The following MED1 variants were observed in gnomAD, a reference collection of about 807,000 sequenced individuals.
MED1 encodes mediator of RNA polymerase II transcription subunit 1.
MED1 carries 17 observed loss-of-function variants against 121.3 expected under a neutral mutation model. The observed-to-expected ratio is 0.14, with a 90% CI of 0.10 to 0.21. MED1 has a LOEUF of 0.21. MED1 is among the 10% of genes least tolerant of loss of function. The pLI is 1.00. For missense variants in MED1, 1,558 were observed against 1,919.4 expected, an observed-to-expected ratio of 0.81 and a Z score of 3.52; for synonymous variants, 661 against 694.4, an observed-to-expected ratio of 0.95 and a Z score of 0.76.
Position 39,451,262 on chromosome 17 carries a change from T to C in MED1, c.-200A>G, listed in dbSNP as rs1260892314. On this transcript the variant is annotated 5_prime_UTR_variant, in exon 1 of 17. Coordinates refer to ENST00000300651, the MANE Select transcript of MED1 (RefSeq NM_004774.4). ...CGCCGCCATCTTCCCCAACGGAACT[T>C]CCCAAAATTCGCGAGATAAACCGTG... is the stretch of plus-strand genomic sequence containing the variant. The C allele has an allele frequency of 1.7e-6, 1 of 588,280 alleles. No individual in the cohort carries two copies. Among genetic ancestry groups the C allele is most frequent in the Non-Finnish European group, 3.0e-6 (1 of 333,334 alleles). 36.4% of individuals were successfully genotyped at this position (588,280 alleles called of 1,614,324 possible).
In MED1 at chr17:39,405,435, G is replaced by A; in HGVS notation, c.*2040C>T. ...TTCCCCCTAAGATTCTCCCCACTCAGAACAAATTTTAAAAACCACATAAAT... is the reference window on the plus strand; with the variant it reads ...TTCCCCCTAAGATTCTCCCCACTCAAAACAAATTTTAAAAACCACATAAAT... On this transcript the variant is annotated 3_prime_UTR_variant, in exon 17 of 17. Transcript: ENST00000300651. 6 of 1,377,514 alleles carry A rather than the reference G, an allele frequency of 4.4e-6. No homozygotes were observed. The highest frequency in any genetic ancestry group is 5.5e-5 in the East Asian group (2 of 36,610). 85.3% of individuals were successfully genotyped at this position (1,377,514 alleles called of 1,614,324 possible).
Position 39,423,348 on chromosome 17 carries a change from A to C in MED1, c.1074T>G (p.Asn358Lys). 1.2e-6 allele frequency: 2 copies of C among 1,609,540 alleles called. No individual in the cohort carries two copies. Among genetic ancestry groups the C allele is most frequent in the South Asian group, 1.1e-5 (1 of 90,950 alleles). The change falls in exon 13 of 17, where the codon AAT (asparagine) becomes AAG (lysine). Residue 358 changes from asparagine (N) to lysine (K), a missense_variant. Around this residue, in one of 5 missense-constraint regions of MED1, gnomAD observed 443 missense variants for 532.4 expected, o/e 0.83. Transcript: ENST00000300651. Reference protein sequence around the residue: ...LSKDPDPIPLNHNMRFYAALP... With the variant: ...LSKDPDPIPLKHNMRFYAALP... ...TTACAGCATAAAATCTCATGTTGTG[A>C]TTCAAAGGTATGGGGTCAGGGTCCT...
At position 39,434,277 on chromosome 17, in the gene MED1, C is replaced by T. The variant is rs2048597663; in HGVS notation, c.472G>A (p.Val158Ile). The change falls in exon 7 of 17, where the codon GTT becomes ATT. Residue 158 changes from valine to isoleucine, a missense_variant. Coordinates refer to ENST00000300651, the MANE Select transcript of MED1 (RefSeq NM_004774.4). ...DEFSKHLKGLVNLYNLPGDNK... is the reference protein window; with the variant it reads ...DEFSKHLKGLINLYNLPGDNK... ...TCCCCTGGAAGGTTATACAGATTAA[C>T]AAGGCCCTTAAGGTGCTTAGAAAAT... The T allele has an allele frequency of 6.4e-7, 1 of 1,571,714 alleles. No homozygotes were observed. The highest frequency in any genetic ancestry group is 8.6e-7 in the Non-Finnish European group (1 of 1,162,378).
chr17:39,429,461 C>G (rs908166080), intron 9 of MED1, among the ~76,000 whole-genome samples: 1 of 150,502 alleles, frequency 6.6e-6, no homozygotes, highest in East Asian at 2.0e-4. Context: ...TTTGGGAGGC[C>G]GAGACAGGCA....
intron 16 of MED1, among the ~76,000 whole-genome samples, chr17:39,411,790 G>T (rs2048357897): frequency 6.6e-6 from 1 of 152,012 alleles, no homozygotes; most frequent in Non-Finnish European, 1.5e-5. Context: ...ACAGGGTCAG[G>T]AGTTTTGAGA....
intron 7 of MED1, among the ~76,000 whole-genome samples, chr17:39,433,454 T>C (rs1482681357): frequency 6.6e-6 from 1 of 151,444 alleles, no homozygotes; most frequent in Non-Finnish European, 1.5e-5. Context: ...CCTCCCAAAG[T>C]GGCCAGGATT....
chr17:39,411,164 C>T (rs1804716812), intron 16 of MED1, among the ~76,000 whole-genome samples: 2 of 151,918 alleles, frequency 1.3e-5, no homozygotes, highest in Non-Finnish European at 2.9e-5. Context: ...ACTAAAAATA[C>T]AAAAATTAGC....
At position 39,440,784 on chromosome 17, in the gene MED1, T is replaced by C; in HGVS notation, c.212-107A>G. 9.4e-7 allele frequency: 1 copy of C among 1,063,030 alleles called. No individual in the cohort carries two copies. Among genetic ancestry groups the C allele is most frequent in the South Asian group, 1.4e-5 (1 of 71,920 alleles). The allele number at this position is 1,063,030 out of a possible 1,614,324, so 65.8% of individuals were successfully genotyped here. ...CTTCCAAAACCGTAAACATATTCAG[T>C]AGTTCAAATGCTTGTAATTTACATA... On this transcript the variant is annotated intron_variant, in intron 3 of 16. Transcript: ENST00000300651. This position sits in a 1 kb window ranked among gnomAD's most constrained non-coding sequence, Gnocchi z 4.1.
At chr17:39,445,897 C>T (rs1020257726) in intron 2 of MED1, among the ~76,000 whole-genome samples, 4 of 151,508 alleles carry the variant, frequency 2.6e-5, no homozygotes, top group African/African-American at 9.7e-5. Flanking sequence ...GGCATGGTGG[C>T]GGATGCCTGT....
intron 10 of MED1, among the ~76,000 whole-genome samples, chr17:39,425,619 C>T (rs561734310): frequency 9.7e-4 from 148 of 151,954 alleles, no homozygotes; most frequent in African/African-American, 3.2e-3. Context: ...CTGCAGAAGA[C>T]GGTGAAACCG....
Position 39,427,752 on chromosome 17 carries a change from CAGA to C in MED1, c.685_687del (p.Ser229del). The C allele has an allele frequency of 1.2e-6, 2 of 1,605,070 alleles. No individual in the cohort carries two copies. Among genetic ancestry groups the C allele is most frequent in the Non-Finnish European group, 8.5e-7 (1 of 1,172,340 alleles). Reference sequence around the variant, plus strand: ...GATGCAGTCTTGTCATCCAGTAGGTCAGAAGGAGAGACATAGTACTTCAGGTTC... The same window carrying C: ...GATGCAGTCTTGTCATCCAGTAGGTCAGGAGAGACATAGTACTTCAGGTTC... On this transcript the variant is annotated inframe_deletion, in exon 10 of 17. Transcript: ENST00000300651.
intron 7 of MED1, among the ~76,000 whole-genome samples, chr17:39,433,527 C>CTATA (rs149231162): frequency 0.023 from 3,256 of 144,316 alleles, 100 homozygotes; most frequent in African/African-American, 0.073. Flanking sequence ...TTTTTTGTTA[C>CTATA]TATATATATA....
rs971976396 is a variant in MED1, at chr17:39,408,699, A to C, written c.3522T>G (p.Pro1174=). 6.2e-7 allele frequency: 1 copy of C among 1,614,022 alleles called. No homozygotes were observed. Among genetic ancestry groups the C allele is most frequent in the African/African-American group, 1.3e-5 (1 of 74,906 alleles). The change falls in exon 17 of 17, where the codon CCT becomes CCG. Residue 1174 remains proline, a synonymous_variant. Coordinates refer to ENST00000300651, the MANE Select transcript of MED1 (RefSeq NM_004774.4). The surrounding 1 kb of genome is among the most constrained non-coding windows in gnomAD (Gnocchi z 4.7). ...TCATAAGTGATGATGGCTTTCCTTG[A>C]GGTTTCATCTTGGTGCTGCTAGAGC... ...SSGSSSTKMK[P]QGKPSSLMNP...
chr17:39,440,021 A>AAGGAAGGAGG lies in MED1; in HGVS notation c.399+364_399+365insCCTCCTTCCT, dbSNP rs1567652006. On this transcript the variant is annotated intron_variant, in intron 5 of 16. Transcript: ENST00000300651. The surrounding 1 kb of genome is among the most constrained non-coding windows in gnomAD (Gnocchi z 4.1). ...AGGAAGGAAGGAAGGAAGGAAGGAA[A>AAGGAAGGAGG]GAAAGAAAGAAAGAGAGAAAGAGAA... 1.3e-5 allele frequency among the ~76,000 whole-genome samples: 1 copy of AAGGAAGGAGG among 74,604 alleles called. No individual in the cohort carries two copies. Among genetic ancestry groups the AAGGAAGGAGG allele is most frequent in the Non-Finnish European group, 3.3e-5 (1 of 29,914 alleles). The allele number at this position is 74,604 out of a possible 152,430, so 48.9% of individuals were successfully genotyped here. A position where few individuals can be genotyped will look rare whatever the true frequency, so the allele number is the denominator to read the frequency against.
At chr17:39,434,218 A>C (rs1419001504) in intron 7 of MED1, 31 bp downstream of exon 7, 2 of 1,461,332 alleles carry the variant, frequency 1.4e-6, no homozygotes, top group Non-Finnish European at 1.9e-6. Context: ...TGATTTTTAC[A>C]AACAAAAGCA....
chr17:39,409,788 T>G lies in MED1; in HGVS notation c.2433A>C (p.Ser811=). ...PAIGTPLRDS[S]SSGHSQSTLF... Reference sequence around the variant, plus strand: ...GGGTACTCTGAGAATGCCCAGAGCTTGAAGAATCTCGAAGAGGGGTGCCAA... The same window carrying G: ...GGGTACTCTGAGAATGCCCAGAGCTGGAAGAATCTCGAAGAGGGGTGCCAA... The change falls in exon 17 of 17, where the codon TCA becomes TCC. Residue 811 remains serine, a synonymous_variant. Transcript: ENST00000300651. The G allele has an allele frequency of 6.2e-7, 1 of 1,614,200 alleles. No individual in the cohort carries two copies.
At chr17:39,435,626 T>C in intron 6 of MED1, among the ~76,000 whole-genome samples, 1 of 152,152 alleles carries the variant, frequency 6.6e-6, no homozygotes, top group East Asian at 1.9e-4. Flanking sequence ...CAGCAAAATA[T>C]ATTCTTTAAC....
chr17:39,446,236 G>A (rs1183323529), intron 2 of MED1, among the ~76,000 whole-genome samples: 2 of 151,596 alleles, frequency 1.3e-5, no homozygotes, highest in Non-Finnish European at 2.9e-5. Flanking sequence ...GGATCACGAG[G>A]TCAGGAGATC....
At chr17:39,434,455 A>G in intron 6 of MED1, 135 bp from the exon 7 acceptor site, 1 of 486,958 alleles carries the variant, frequency 2.1e-6, no homozygotes. Flanking sequence ...ATTTTCCTCA[A>G]AAGTTTTCTA....
Sources: allele counts gnomAD v4.1 joint callset (sites outside exome capture counted in the v4.1 genomes callset), GRCh38; gene constraint gnomAD v4.1.1; regional missense constraint gnomAD v4.1.1; non-coding constraint Gnocchi (gnomAD v3.1); transcripts MANE v1.5; gene names NCBI Gene and HGNC (gene_info 2026-07-23, HGNC 2026-07-21).